DMD: variants seen among roughly 807,000 people sequenced by gnomAD.
DMD encodes mutant dystrophin.
In DMD, 63 loss-of-function variants were observed where a neutral mutation model predicts 330.1. The ratio of observed to expected loss-of-function variants is 0.19; its 90% CI spans 0.16 to 0.24. DMD has a LOEUF of 0.24. Ranked by LOEUF, DMD falls within the 10% of genes least tolerant of loss-of-function variation. The pLI, the probability that DMD is intolerant of heterozygous loss-of-function variation, is 1.00. For missense variants in DMD, 3,344 were observed against 2,684.1 expected, an observed-to-expected ratio of 1.25 and a Z score of -5.43; for synonymous variants, 1,223 against 959.8, an observed-to-expected ratio of 1.27 and a Z score of -5.07.
rs1197050866 is a variant in DMD at position 32,395,464 on chromosome X, C to A, written c.4234-5283G>T. On this transcript the variant is annotated intron_variant, in intron 30 of 78. Coordinates refer to ENST00000357033, the MANE Select transcript of DMD (RefSeq NM_004006.3). ...GGAGGGATAGCATTAGGAGATATAC[C>A]TAATGTAACTGACAAGTTAATGGGT... 5.4e-5 allele frequency among the ~76,000 whole-genome samples: 6 copies of A among 110,515 alleles called. No individual in the cohort carries two copies. In the Admixed American group the frequency reaches 5.8e-4, roughly 11 times the overall value.
chrX:31,245,806 G>A (rs763623089), intron 63 of DMD, among the ~76,000 whole-genome samples: 10 of 111,227 alleles, frequency 9.0e-5, no homozygotes, highest in Admixed American at 4.8e-4. Context: ...CTGCTCCACC[G>A]ACCAGCTGTT....
chrX:31,789,699 T>C (rs1321776701), intron 50 of DMD, among the ~76,000 whole-genome samples: 1 of 111,443 alleles, frequency 9.0e-6, no homozygotes, highest in Non-Finnish European at 1.9e-5. Context: ...ATGTATTTCC[T>C]CTACTGTAAA....
intron 2 of DMD, among the ~76,000 whole-genome samples, chrX:32,937,646 G>A (rs1291254367): frequency 2.8e-5 from 3 of 108,130 alleles, no homozygotes; most frequent in East Asian, 2.9e-4. Flanking sequence ...ATGAGTAGAC[G>A]AATGGAGGTA....
At chrX:32,529,279 G>A (rs1400780008) in intron 17 of DMD, among the ~76,000 whole-genome samples, 2 of 106,464 alleles carry the variant, frequency 1.9e-5, no homozygotes, top group Non-Finnish European at 3.8e-5. Flanking sequence ...TCCCTAAAAT[G>A]TGTAAAACCA....
intron 51 of DMD, among the ~76,000 whole-genome samples, chrX:31,756,034 G>C (rs2089046234): frequency 9.1e-6 from 1 of 110,013 alleles, no homozygotes; most frequent in South Asian, 3.7e-4. Context: ...CACAGAGAGA[G>C]AGCGAGAGAT....
At chrX:33,252,529 A>G (rs1173659488) in intron 1 of DMD, among the ~76,000 whole-genome samples, 1 of 110,263 alleles carries the variant, frequency 9.1e-6, no homozygotes, top group Non-Finnish European at 1.9e-5. Context: ...GATGTTCTAC[A>G]TTCTTTGCTT....
intron 62 of DMD, among the ~76,000 whole-genome samples, chrX:31,270,951 G>A (rs1336651385): frequency 1.8e-5 from 2 of 111,836 alleles, no homozygotes; most frequent in Non-Finnish European, 3.8e-5. Flanking sequence ...GAGGGAAGAA[G>A]TAAAGCAATA....
At chrX:32,429,581 G>A (rs2098229672) in intron 29 of DMD, among the ~76,000 whole-genome samples, 1 of 106,386 alleles carries the variant, frequency 9.4e-6, no homozygotes, top group African/African-American at 3.4e-5. Context: ...TTTATTTTAT[G>A]CTCATCTCAC....
chrX:32,656,321 C>T (rs1041193197), intron 9 of DMD, among the ~76,000 whole-genome samples: 5 of 111,637 alleles, frequency 4.5e-5, no homozygotes, highest in African/African-American at 1.6e-4. Context: ...AGGGGATGAT[C>T]GAAAAACTGG....
chrX:32,185,178 C>G (rs2096941273), intron 44 of DMD, among the ~76,000 whole-genome samples: 1 of 111,221 alleles, frequency 9.0e-6, no homozygotes, highest in Non-Finnish European at 1.9e-5. Flanking sequence ...ATTCTGAACT[C>G]CCTCTTTTCT....
chrX:32,789,570 T>C (rs1372437719), intron 7 of DMD, among the ~76,000 whole-genome samples: 1 of 112,069 alleles, frequency 8.9e-6, no homozygotes, highest in Non-Finnish European at 1.9e-5. Flanking sequence ...TTGGACAGTC[T>C]TGTGAGAAAT....
chrX:31,323,249 T>C (rs1223183993), intron 62 of DMD, among the ~76,000 whole-genome samples: 4 of 111,814 alleles, frequency 3.6e-5, no homozygotes, highest in Admixed American at 9.5e-5. Flanking sequence ...GAAGAAGAAA[T>C]GTGAGAAAAC....
chrX:33,221,086 ACC>A (rs1190271525), intron 1 of DMD, among the ~76,000 whole-genome samples: 1 of 111,575 alleles, frequency 9.0e-6, no homozygotes, highest in Non-Finnish European at 1.9e-5. Context: ...GAAATTATGA[ACC>A]TTGGTACTAT....
intron 29 of DMD, among the ~76,000 whole-genome samples, chrX:32,413,065 T>A (rs1034061603): frequency 6.3e-5 from 7 of 110,726 alleles, no homozygotes; most frequent in African/African-American, 2.3e-4. Context: ...TACCATAAAT[T>A]TTGACTCCAT....
At chrX:33,111,773 AT>A (rs2095341494) in intron 1 of DMD, among the ~76,000 whole-genome samples, 3 of 109,514 alleles carry the variant, frequency 2.7e-5, no homozygotes, top group African/African-American at 6.7e-5. Context: ...CGCCCGGCTG[AT>A]TTTTTTTCTA....
At chrX:31,855,343 A>G (rs974043396) in intron 48 of DMD, among the ~76,000 whole-genome samples, 5 of 112,204 alleles carry the variant, frequency 4.5e-5, no homozygotes, top group Non-Finnish European at 9.4e-5. Flanking sequence ...TGATTTTGAC[A>G]TATCTCTGAA....
chrX:31,381,643 C>T (rs1425863314), intron 60 of DMD, among the ~76,000 whole-genome samples: 1 of 111,016 alleles, frequency 9.0e-6, no homozygotes, highest in South Asian at 3.9e-4. Flanking sequence ...AACCCCATTT[C>T]CCCATATTTC....
intron 9 of DMD, among the ~76,000 whole-genome samples, chrX:32,680,924 G>C (rs921417328): frequency 2.7e-5 from 3 of 111,617 alleles, no homozygotes; most frequent in Non-Finnish European, 5.6e-5. Flanking sequence ...TCTACTTCTG[G>C]TACCTTCTCT....
intron 44 of DMD, among the ~76,000 whole-genome samples, chrX:32,024,752 G>A (rs1342910401): frequency 9.0e-6 from 1 of 111,146 alleles, no homozygotes; most frequent in Non-Finnish European, 1.9e-5. Context: ...TTTGACTAAC[G>A]TCTGGCTCAG....
Sources: gnomAD v4.1 joint callset for allele counts (sites outside exome capture counted in the v4.1 genomes callset) on GRCh38, gnomAD v4.1.1 for gene constraint, MANE v1.5 for transcripts, NCBI Gene and HGNC (gene_info 2026-07-23, HGNC 2026-07-21) for gene names.